Variants in XRCC4 observed in about 807,000 individuals in gnomAD.
The protein encoded by XRCC4 is X-ray repair cross complementing 4, also known as DNA repair protein XRCC4.
Under a neutral mutation model 39.1 loss-of-function variants are expected in XRCC4, and 28 were observed. The observed-to-expected ratio is 0.72, with a 90% CI of 0.53 to 0.98. The LOEUF (loss-of-function observed/expected upper bound fraction) is 0.98, where lower values mean the gene tolerates loss of function less well. Ranked by LOEUF, XRCC4 falls within the 50% of genes least tolerant of loss-of-function variation. The probability of loss-of-function intolerance (pLI) is 0.00; values close to 1 mark genes in which losing one functional copy is unlikely to be tolerated. For missense variants in XRCC4, 350 were observed against 376.4 expected, an observed-to-expected ratio of 0.93 and a Z score of 0.58; for synonymous variants, 123 against 126.4, an observed-to-expected ratio of 0.97 and a Z score of 0.18.
chr5:83,129,988 G>A (rs890168923), intron 3 of XRCC4, among the ~76,000 whole-genome samples: 3 of 152,096 alleles, frequency 2.0e-5, no homozygotes, highest in African/African-American at 7.2e-5. Context: ...GCCCTGGCCA[G>A]AACATCCAAC....
At chr5:83,232,454 G>A (rs760361654) in intron 6 of XRCC4, among the ~76,000 whole-genome samples, 1 of 151,990 alleles carries the variant, frequency 6.6e-6, no homozygotes, top group Non-Finnish European at 1.5e-5. Flanking sequence ...TTCTGGGACT[G>A]CTCCACAAAG....
chr5:83,232,418 TC>T (rs1561420718), intron 6 of XRCC4, among the ~76,000 whole-genome samples: 1 of 151,976 alleles, frequency 6.6e-6, no homozygotes, highest in Non-Finnish European at 1.5e-5. Context: ...CCCTAATACT[TC>T]CATAAAAGAT....
chr5:83,194,871 G>A (rs1263448723), intron 3 of XRCC4, among the ~76,000 whole-genome samples: 1 of 152,104 alleles, frequency 6.6e-6, no homozygotes, highest in African/African-American at 2.4e-5. Context: ...CTCTGAACCT[G>A]AGTTTACTGA....
intron 3 of XRCC4, among the ~76,000 whole-genome samples, chr5:83,145,044 C>T (rs981410591): frequency 2.0e-5 from 3 of 151,978 alleles, no homozygotes; most frequent in African/African-American, 4.8e-5. Context: ...TACAGGCACC[C>T]GCCACCACGC....
intron 3 of XRCC4, 71 bp from the exon 4 acceptor site, chr5:83,195,699 T>C (rs1750906175): frequency 1.5e-5 from 20 of 1,342,828 alleles, no homozygotes; most frequent in Non-Finnish European, 2.0e-5. Flanking sequence ...GAAGAAATTG[T>C]GTATGCTTAA....
chr5:83,233,398 G>A (rs972424466), intron 6 of XRCC4, among the ~76,000 whole-genome samples: 3 of 151,988 alleles, frequency 2.0e-5, no homozygotes, highest in Non-Finnish European at 4.4e-5. Flanking sequence ...CTCATCTTTA[G>A]GCACCCTAGA....
chr5:83,325,170 C>T (rs1756209258), intron 7 of XRCC4, among the ~76,000 whole-genome samples: 1 of 152,052 alleles, frequency 6.6e-6, no homozygotes, highest in Non-Finnish European at 1.5e-5. Flanking sequence ...TTTGAGCATG[C>T]TGTTTTTTAG....
chr5:83,309,848 TGACTG>T (rs1173693437), intron 7 of XRCC4, among the ~76,000 whole-genome samples: 4 of 151,986 alleles, frequency 2.6e-5, no homozygotes, highest in African/African-American at 9.7e-5. Context: ...CTGCAGTTGT[TGACTG>T]GAATAAGTAC....
chr5:83,273,396 C>A (rs1754210102), intron 7 of XRCC4, among the ~76,000 whole-genome samples: 1 of 152,166 alleles, frequency 6.6e-6, no homozygotes, highest in Non-Finnish European at 1.5e-5. Context: ...ATGATAGTTT[C>A]TTTTGCCGTG....
chr5:83,107,050 A>T (rs7736783), intron 2 of XRCC4, among the ~76,000 whole-genome samples: 73,905 of 151,780 alleles, frequency 0.49, 18,801 homozygotes, highest in African/African-American at 0.62. Flanking sequence ...ATGTATTCTC[A>T]GGTGGATTGT....
At position 83,222,578 on chromosome 5, in the gene XRCC4, A is replaced by C. The variant is rs190022401; in HGVS notation, c.745+17657A>C. On this transcript the variant is annotated intron_variant, in intron 6 of 7. Transcript: ENST00000396027. ...CTGGAGAACCCTCATTTTCTTCTTA[A>C]TTTCTTTATTGGCCAAATTCAGGAA... 1.5e-3 allele frequency among the ~76,000 whole-genome samples: 235 copies of C among 151,950 alleles called. 3 individuals are homozygous for C. In the South Asian group the frequency reaches 0.019, roughly 13 times the overall value.
intron 7 of XRCC4, among the ~76,000 whole-genome samples, chr5:83,264,167 T>C (rs959617895): frequency 2.6e-5 from 4 of 152,154 alleles, no homozygotes; most frequent in Non-Finnish European, 5.9e-5. Flanking sequence ...AGTATTATCC[T>C]TGAAGAAATT....
At chr5:83,243,811 T>G (rs1361649480) in intron 6 of XRCC4, among the ~76,000 whole-genome samples, 1 of 152,092 alleles carries the variant, frequency 6.6e-6, no homozygotes, top group Non-Finnish European at 1.5e-5. Context: ...ATTTTAATGT[T>G]GTGGAGAAGG....
chr5:83,305,762 T>TTGA (rs1755461257), intron 7 of XRCC4, among the ~76,000 whole-genome samples: 1 of 152,204 alleles, frequency 6.6e-6, no homozygotes, highest in South Asian at 2.1e-4. Flanking sequence ...CTAACTCTTC[T>TTGA]TGATGTTTTA....
At chr5:83,355,403 C>T (rs922979313), downstream of XRCC4, among the ~76,000 whole-genome samples, 2 of 152,082 alleles carry the variant, frequency 1.3e-5, no homozygotes, top group Non-Finnish European at 2.9e-5. Flanking sequence ...CCTCTCTATC[C>T]CCAGTACTAA....
Position 83,262,862 on chromosome 5 carries a change from C to CT in XRCC4, c.893+4188dup, listed in dbSNP as rs1266538553. On this transcript the variant is annotated intron_variant, in intron 7 of 7. Coordinates refer to ENST00000396027, the MANE Select transcript of XRCC4 (RefSeq NM_003401.5). ...TCTTTTTTTTTTTTTTTTTTTTATA[C>CT]TTTAAGTTTCTGGGTACATGTGCAC... Among the ~76,000 whole-genome samples, 10 of 101,534 alleles carry CT rather than the reference C, an allele frequency of 9.8e-5. 1 individual carries two copies. Among genetic ancestry groups the CT allele is most frequent in the African/African-American group, 3.2e-4 (9 of 28,446 alleles). The allele number at this position is 101,534 out of a possible 152,430, so 66.6% of individuals were successfully genotyped here.
intron 7 of XRCC4, among the ~76,000 whole-genome samples, chr5:83,322,541 G>A (rs539381497): frequency 1.3e-5 from 2 of 152,222 alleles, no homozygotes; most frequent in East Asian, 1.9e-4. Context: ...TGGAACATGC[G>A]AATGTTATCA....
chr5:83,300,142 G>A (rs1294734748), intron 7 of XRCC4, among the ~76,000 whole-genome samples: 1 of 152,156 alleles, frequency 6.6e-6, no homozygotes, highest in Non-Finnish European at 1.5e-5. Context: ...ACATATCCAA[G>A]TGATTTGCAA....
chr5:83,334,674 CATAT>C (rs150054914), intron 7 of XRCC4, among the ~76,000 whole-genome samples: 1 of 147,726 alleles, frequency 6.8e-6, no homozygotes, highest in Non-Finnish European at 1.5e-5. Context: ...TATGTGTGTG[CATAT>C]ATATATATAT....
Sources: allele counts gnomAD v4.1 joint callset (sites outside exome capture counted in the v4.1 genomes callset), GRCh38; gene constraint gnomAD v4.1.1; transcripts MANE v1.5; gene names NCBI Gene and HGNC (gene_info 2026-07-23, HGNC 2026-07-21).